The following PDE4D variants were observed in gnomAD, a reference collection of about 807,000 sequenced individuals.
PDE4D encodes 3',5'-cyclic-AMP phosphodiesterase 4D.
In PDE4D, 24 loss-of-function variants were observed where a neutral mutation model predicts 87.4. The ratio of observed to expected loss-of-function variants is 0.27; its 90% CI spans 0.20 to 0.39. PDE4D has a LOEUF of 0.39. PDE4D is among the 10% of genes least tolerant of loss of function. PDE4D has a pLI of 1.00. For missense variants in PDE4D, 714 were observed against 1,041.0 expected (o/e 0.69, Z 4.32); for synonymous variants, 384 against 383.2 (o/e 1.00, Z -0.02).
intron 2 of PDE4D, among the ~76,000 whole-genome samples, chr5:60,093,886 T>C (rs1775395397): frequency 6.6e-6 from 1 of 152,206 alleles, no homozygotes; most frequent in Non-Finnish European, 1.5e-5. Flanking sequence ...ATAAACGATT[T>C]CTGTAAGATA....
chr5:60,148,593 T>G (rs1781223405), intron 2 of PDE4D, among the ~76,000 whole-genome samples: 1 of 152,196 alleles, frequency 6.6e-6, no homozygotes. Flanking sequence ...ATTATAATTT[T>G]GTACATAATT....
intron 1 of PDE4D, among the ~76,000 whole-genome samples, chr5:59,303,280 T>C (rs1160403162): frequency 6.6e-6 from 1 of 152,232 alleles, no homozygotes; most frequent in African/African-American, 2.4e-5. Flanking sequence ...TTGTAGATTC[T>C]GGATACTACC....
chr5:59,240,800 A>G (rs930446317), intron 1 of PDE4D, among the ~76,000 whole-genome samples: 1 of 80,574 alleles, frequency 1.2e-5, no homozygotes, highest in Non-Finnish European at 2.6e-5. Context: ...ACACACACAC[A>G]CACACACATC....
rs758731509 is a variant in PDE4D, at chr5:59,185,172, A to T, written c.758+17T>A. ...AAAAGTTCAGCAAAAAAGAGGGGGG[A>T]AAAAAGGATATCTTACTTGCTAGGT... On this transcript the variant is annotated intron_variant, in intron 4 of 14. Transcript: ENST00000340635. 12 of 1,589,884 alleles carry T rather than the reference A, an allele frequency of 7.5e-6. No homozygotes were observed. The Admixed American group carries it at 1.9e-4, about 25-fold the overall frequency.
At chr5:59,819,493 A>C (rs1045631332) in intron 1 of PDE4D, among the ~76,000 whole-genome samples, 1 of 152,152 alleles carries the variant, frequency 6.6e-6, no homozygotes. Flanking sequence ...AAACAGACCT[A>C]TTACTCATAA....
chr5:60,034,330 G>A (rs151201422), intron 2 of PDE4D, among the ~76,000 whole-genome samples: 42 of 152,316 alleles, frequency 2.8e-4, no homozygotes, highest in African/African-American at 9.6e-4. Flanking sequence ...ACAGAGCTAA[G>A]CTAAAATCAG....
chr5:60,443,721 G>C (rs1026203171), intron 1 of PDE4D, among the ~76,000 whole-genome samples: 4 of 152,164 alleles, frequency 2.6e-5, no homozygotes, highest in Admixed American at 1.3e-4. Flanking sequence ...AGGGAACCAA[G>C]TAAAACAGTG....
rs1466401499 is a variant in PDE4D, at chr5:59,001,948, A to C, written c.922-8483T>G. On this transcript the variant is annotated intron_variant, in intron 6 of 14. Transcript: ENST00000340635. ...TGTTTAATATAAACCATCTAGCTGAATCCTTGAGTAACCCGGCATGTTCCC... is the reference window on the plus strand; with the variant it reads ...TGTTTAATATAAACCATCTAGCTGACTCCTTGAGTAACCCGGCATGTTCCC... 11 of 427,550 alleles carry C rather than the reference A, an allele frequency of 2.6e-5. 1 individual carries two copies. Among genetic ancestry groups the C allele is most frequent in the South Asian group, 3.5e-5 (2 of 57,138 alleles). The allele number at this position is 427,550 out of a possible 1,614,324, so 26.5% of individuals were successfully genotyped here.
intron 3 of PDE4D, among the ~76,000 whole-genome samples, chr5:59,941,081 A>G (rs909272035): frequency 2.0e-5 from 3 of 152,150 alleles, no homozygotes; most frequent in South Asian, 2.1e-4. Flanking sequence ...GCTTGCTATT[A>G]TTCTTTGGTT....
At chr5:60,230,872 T>C (rs1270553794) in intron 1 of PDE4D, among the ~76,000 whole-genome samples, 2 of 152,046 alleles carry the variant, frequency 1.3e-5, no homozygotes, top group Non-Finnish European at 2.9e-5. Flanking sequence ...ATAGGTAGGC[T>C]TTGGCATAAA....
intron 3 of PDE4D, among the ~76,000 whole-genome samples, chr5:59,930,604 G>A (rs1755807764): frequency 6.6e-6 from 1 of 152,158 alleles, no homozygotes; most frequent in Non-Finnish European, 1.5e-5. Context: ...CCAGCTTACA[G>A]TCATTTGTTA....
intron 1 of PDE4D, among the ~76,000 whole-genome samples, chr5:60,297,491 G>A (rs892181374): frequency 6.6e-6 from 1 of 152,104 alleles, no homozygotes; most frequent in Admixed American, 6.5e-5. Flanking sequence ...TCAATATATC[G>A]AGAAGTATGT....
At chr5:60,100,201 A>G (rs1776080685) in intron 2 of PDE4D, among the ~76,000 whole-genome samples, 1 of 152,052 alleles carries the variant, frequency 6.6e-6, no homozygotes. Flanking sequence ...GAAATTATGT[A>G]TATGTATATT....
chr5:60,448,003 T>C (rs537649101), intron 1 of PDE4D, among the ~76,000 whole-genome samples: 1 of 152,178 alleles, frequency 6.6e-6, no homozygotes, highest in Non-Finnish European at 1.5e-5. Context: ...TTGCTTATTA[T>C]CATTCATCTG....
intron 1 of PDE4D, among the ~76,000 whole-genome samples, chr5:60,245,471 A>T (rs2149670033): frequency 6.6e-6 from 1 of 152,154 alleles, no homozygotes; most frequent in Middle Eastern, 3.4e-3. Flanking sequence ...TATCAAAGAG[A>T]TATCTACACT....
At chr5:59,239,162 G>C (rs1410442785) in intron 1 of PDE4D, among the ~76,000 whole-genome samples, 2 of 152,172 alleles carry the variant, frequency 1.3e-5, no homozygotes, top group African/African-American at 4.8e-5. Context: ...TTTAACTATT[G>C]GTGCTGTACT....
chr5:59,338,528 C>A (rs1778139950), intron 1 of PDE4D, among the ~76,000 whole-genome samples: 1 of 152,152 alleles, frequency 6.6e-6, no homozygotes, highest in South Asian at 2.1e-4. Flanking sequence ...GAGTGTTCGG[C>A]TAGGCAGTGC....
intron 2 of PDE4D, among the ~76,000 whole-genome samples, chr5:60,030,315 T>C (rs1767103154): frequency 6.6e-6 from 1 of 152,036 alleles, no homozygotes; most frequent in Non-Finnish European, 1.5e-5. Context: ...CCGGGCGCGG[T>C]GGCGGGCACC....
chr5:60,026,611 AG>A (rs1460400378), intron 2 of PDE4D, among the ~76,000 whole-genome samples: 18 of 152,300 alleles, frequency 1.2e-4, no homozygotes, highest in Admixed American at 3.9e-4. Flanking sequence ...TTTAGGGGTT[AG>A]TCTTTTGCTC....
Sources: gnomAD v4.1 joint callset for allele counts (sites outside exome capture counted in the v4.1 genomes callset) on GRCh38, gnomAD v4.1.1 for gene constraint, MANE v1.5 for transcripts, NCBI Gene and HGNC (gene_info 2026-07-23, HGNC 2026-07-21) for gene names.